PSG6: variants seen among roughly 807,000 people sequenced by gnomAD.
PSG6 encodes pregnancy-specific beta-1-glycoprotein 6.
A neutral mutation model predicts 43.3 loss-of-function variants in PSG6; 51 were observed. The observed-to-expected ratio is 1.18, with a 90% CI of 0.94 to 1.49. PSG6 has a LOEUF of 1.49. PSG6 is among the 40% of genes most tolerant of loss of function. The pLI is 0.00. For synonymous variants in PSG6, 292 were observed against 197.6 expected (o/e 1.48, Z -4.01); for missense variants, 770 against 522.2 (o/e 1.47, Z -4.62).
rs963479594 is a variant in PSG6 at position 42,912,741 on chromosome 19, T to A, written c.428-1883A>T. ...CCACTAAAATTTAAGTTTGTGTGAA[T>A]TAGGAAGAGTCTAAGTGAGATGCCA... On this transcript the variant is annotated intron_variant, in intron 2 of 5. Coordinates refer to ENST00000187910, the MANE Select transcript of PSG6 (RefSeq NM_001031850.4). 6.6e-5 allele frequency among the ~76,000 whole-genome samples: 10 copies of A among 151,832 alleles called. 2 individuals carry two copies. Among genetic ancestry groups the A allele is most frequent in the African/African-American group, 2.4e-4 (10 of 41,424 alleles).
In PSG6 at chr19:42,913,576, G is replaced by A. The variant is rs146485483; in HGVS notation, c.427+2549C>T. ...AGCCAGAAGTCTCTAGAAAGTGACC[G>A]GAGAATGTGAGCTCCATAGCAGGTT... On this transcript the variant is annotated intron_variant, in intron 2 of 5. Coordinates refer to ENST00000187910, the MANE Select transcript of PSG6 (RefSeq NM_001031850.4). Among the ~76,000 whole-genome samples the A allele has an allele frequency of 9.9e-5, 15 of 151,776 alleles. 1 individual carries two copies. Among genetic ancestry groups the A allele is most frequent in the Middle Eastern group, 3.4e-3 (1 of 294 alleles).
rs577357709 is a variant in PSG6, at chr19:42,907,515, G to T, written c.985+61C>A. The T allele has an allele frequency of 2.8e-4, 449 of 1,601,226 alleles. 5 individuals carry two copies. The highest frequency in any genetic ancestry group is 3.0e-4 in the Non-Finnish European group (351 of 1,173,836). On this transcript the variant is annotated intron_variant, in intron 4 of 5. Coordinates refer to ENST00000187910, the MANE Select transcript of PSG6 (RefSeq NM_001031850.4). ...GACCGGAGAGAGACTGAGAGGCCTG[G>T]CCTCTGGTCGTTTGGAGTTAAGCTG...
chr19:42,912,674 A>G (rs1600547225), intron 2 of PSG6, among the ~76,000 whole-genome samples: 1 of 151,866 alleles, frequency 6.6e-6, no homozygotes, highest in Non-Finnish European at 1.5e-5. Flanking sequence ...CAAAACAGGT[A>G]TGTGAAATGT....
Position 42,903,215 on chromosome 19 carries a change from G to T in PSG6, c.1241-769C>A, listed in dbSNP as rs1438289888. 1.3e-5 allele frequency among the ~76,000 whole-genome samples: 2 copies of T among 151,500 alleles called. 1 individual carries two copies. The highest frequency in any genetic ancestry group is 4.9e-5 in the African/African-American group (2 of 41,202). On this transcript the variant is annotated intron_variant, in intron 5 of 5. Transcript: ENST00000187910. ...TGTGTGGCATCTTGTTTCATTGACT[G>T]CATTAAACCTTTAAAAGAATGGTAT...
At position 42,917,333 on chromosome 19, in the gene PSG6, C is replaced by T. The variant is rs1304370556; in HGVS notation, c.64+396G>A. ...CCTATCCAGGCTCCAACAGAGCCTT[C>T]TTTCCCTTTTTTTCTTTCTTCTTTT... On this transcript the variant is annotated intron_variant, in intron 1 of 5. Transcript: ENST00000187910. Among the ~76,000 whole-genome samples the T allele has an allele frequency of 2.0e-5, 3 of 146,480 alleles. No individual in the cohort carries two copies. In the South Asian group the frequency reaches 6.9e-4, roughly 34 times the overall value.
chr19:42,917,752 G>A lies in PSG6; in HGVS notation c.41C>T (p.Thr14Ile), dbSNP rs535810933. 6.2e-7 allele frequency: 1 copy of A among 1,610,264 alleles called. No homozygotes were observed. Among genetic ancestry groups the A allele is most frequent in the East Asian group, 2.2e-5 (1 of 44,686 alleles). Residue 14 changes from threonine (T) to isoleucine (I), a missense_variant, in exon 1 of 6, where the codon ACC becomes ATC. Thr to Ile is a moderately conservative substitution (Grantham distance 89, BLOSUM62 -1). Coordinates refer to ENST00000187910, the MANE Select transcript of PSG6 (RefSeq NM_001031850.4). ...ACCTGTGAGCAGGAGCCCCTTCCAGGTGATGTGCTGAGTGCAGGGAGGGGC... is the reference window on the plus strand; with the variant it reads ...ACCTGTGAGCAGGAGCCCCTTCCAGATGATGTGCTGAGTGCAGGGAGGGGC... The part of the protein sequence containing the change: ...LSAPPCTQHI[T>I]WKGLLLTASL...
chr19:42,916,626 A>T lies in PSG6; in HGVS notation c.65-139T>A. 2 of 1,316,362 alleles carry T rather than the reference A, an allele frequency of 1.5e-6. 1 individual carries two copies. The highest frequency in any genetic ancestry group is 2.1e-6 in the Non-Finnish European group (2 of 956,508). 81.5% of individuals were successfully genotyped at this position (1,316,362 alleles called of 1,614,324 possible). A position where few individuals can be genotyped will look rare whatever the true frequency, so the allele number is the denominator to read the frequency against. On this transcript the variant is annotated intron_variant, in intron 1 of 5. Coordinates refer to ENST00000187910, the MANE Select transcript of PSG6 (RefSeq NM_001031850.4). ...CACACACATACAAACACACACACAC[A>T]AAAGGGCATGTGTGTTTGTGTGTGT...
chr19:42,906,856 T>G (rs889264981), intron 5 of PSG6, 66 bp downstream of exon 5: 1 of 1,610,540 alleles, frequency 6.2e-7, no homozygotes, highest in African/African-American at 1.3e-5. Flanking sequence ...TTTTCCTGAC[T>G]CTTCTCTGAA....
chr19:42,903,552 A>T (rs1219810733), intron 5 of PSG6: 6 of 1,366,172 alleles, frequency 4.4e-6, no homozygotes, highest in Non-Finnish European at 5.8e-6. Context: ...CATTAACTAG[A>T]TTGGCTAAGA....
chr19:42,908,239 C>T (rs906563541), intron 3 of PSG6, among the ~76,000 whole-genome samples: 6 of 151,608 alleles, frequency 4.0e-5, no homozygotes, highest in Admixed American at 2.0e-4. Context: ...TACTTTGCCC[C>T]CCTAGATGTG....
intron 5 of PSG6, among the ~76,000 whole-genome samples, chr19:42,906,289 C>A (rs1284753083): frequency 6.6e-6 from 1 of 151,528 alleles, no homozygotes; most frequent in Non-Finnish European, 1.5e-5. Flanking sequence ...TTCTTATTTC[C>A]CTGCAGCCTG....
At chr19:42,913,823 C>G (rs1972272286) in intron 2 of PSG6, among the ~76,000 whole-genome samples, 1 of 151,554 alleles carries the variant, frequency 6.6e-6, no homozygotes, top group Non-Finnish European at 1.5e-5. Flanking sequence ...CAAGCACTAA[C>G]AGATCATTTC....
Position 42,907,621 on chromosome 19 carries a change from G to T in PSG6, c.940C>A (p.Arg314=). ...TGPYQCEIRD[R]YGGIRSNPVT... The stretch of plus-strand genomic sequence containing the variant: ...GGGTTACTGCGGATGCCACCATATC[G>T]GTCCCGTATTTCACATTGATAGGGT... Residue 314 remains arginine, a synonymous_variant, in exon 4 of 6, where the codon CGA becomes AGA. Transcript: ENST00000187910. 1 of 1,611,872 alleles carries T rather than the reference G, an allele frequency of 6.2e-7. No homozygotes were observed. The highest frequency in any genetic ancestry group is 1.3e-5 in the African/African-American group (1 of 74,872).
intron 3 of PSG6, chr19:42,909,639 A>G (rs1238276704): frequency 6.6e-6 from 1 of 151,700 alleles, no homozygotes; most frequent in Non-Finnish European, 1.5e-5. Flanking sequence ...CTTTTTGGTT[A>G]AACTTATTCC....
At chr19:42,909,775 G>A (rs1972183000) in intron 3 of PSG6, 1 of 151,800 alleles carries the variant, frequency 6.6e-6, no homozygotes, top group African/African-American at 2.4e-5. Flanking sequence ...ACAGGCAGAA[G>A]CTGGTGGTTT....
chr19:42,915,850 G>T (rs1483875573), intron 2 of PSG6: 2 of 560,290 alleles, frequency 3.6e-6, no homozygotes, highest in African/African-American at 2.0e-5. Context: ...GAGGGCATGA[G>T]GTGCTTGGCT....
intron 5 of PSG6, 106 bp downstream of exon 5, chr19:42,906,816 C>A (rs545534855): frequency 6.2e-7 from 1 of 1,605,236 alleles, no homozygotes; most frequent in Non-Finnish European, 8.5e-7. Flanking sequence ...TTTGCTTGTG[C>A]CCATGGGACA....
chr19:42,912,764 C>G (rs972206581), intron 2 of PSG6, among the ~76,000 whole-genome samples: 2 of 151,580 alleles, frequency 1.3e-5, no homozygotes, highest in African/African-American at 4.8e-5. Context: ...AAGTGAGATG[C>G]CAATGGCTCT....
intron 3 of PSG6, 158 bp from the exon 4 acceptor site, chr19:42,908,012 G>T (rs1972152185): frequency 1.6e-6 from 2 of 1,228,766 alleles, no homozygotes; most frequent in East Asian, 2.4e-5. Flanking sequence ...ATGATCTAAG[G>T]GCTCAAAGAC....
Sources: gnomAD v4.1 joint callset for allele counts (sites outside exome capture counted in the v4.1 genomes callset) on GRCh38, gnomAD v4.1.1 for gene constraint, MANE v1.5 for transcripts, NCBI Gene and HGNC (gene_info 2026-07-23, HGNC 2026-07-21) for gene names.